ERP44: variants seen among roughly 807,000 people sequenced by gnomAD.
ERP44 encodes endoplasmic reticulum protein 44, also known as endoplasmic reticulum resident protein 44.
Under a neutral mutation model 53.4 loss-of-function variants are expected in ERP44, and 25 were observed. The ratio of observed to expected loss-of-function variants is 0.47; its 90% CI spans 0.34 to 0.65. ERP44 has a LOEUF of 0.65. Among genes scored for constraint, ERP44 ranks in the 30% least tolerant of loss-of-function variants. The pLI, the probability that ERP44 is intolerant of heterozygous loss-of-function variation, is 0.01. For missense variants in ERP44, 338 were observed against 493.2 expected (o/e 0.69, Z 2.98); for synonymous variants, 145 against 161.2 (o/e 0.90, Z 0.76).
intron 10 of ERP44, among the ~76,000 whole-genome samples, chr9:99,985,447 C>T (rs1332664306): frequency 6.6e-6 from 1 of 152,110 alleles, no homozygotes; most frequent in East Asian, 1.9e-4. Context: ...AATAACAGGG[C>T]TCAAGGGAAA....
chr9:100,014,410 G>A (rs1039090359), intron 8 of ERP44, among the ~76,000 whole-genome samples: 5 of 151,976 alleles, frequency 3.3e-5, no homozygotes, highest in South Asian at 2.1e-4. Context: ...TCAGCCTCCC[G>A]AGTAGCTGGG....
intron 10 of ERP44, among the ~76,000 whole-genome samples, chr9:99,989,966 A>G (rs1436032040): frequency 6.6e-6 from 1 of 152,186 alleles, no homozygotes; most frequent in African/African-American, 2.4e-5. Context: ...TGAAGGTTAG[A>G]GAAAAAAGAG....
chr9:100,009,112 T>C (rs1587961049), intron 8 of ERP44, among the ~76,000 whole-genome samples: 1 of 152,128 alleles, frequency 6.6e-6, no homozygotes. Flanking sequence ...TCACCACTAA[T>C]TCTAGAGCTT....
intron 10 of ERP44, among the ~76,000 whole-genome samples, chr9:99,992,978 G>A (rs567768671): frequency 1.3e-5 from 2 of 152,252 alleles, no homozygotes; most frequent in South Asian, 4.1e-4. Flanking sequence ...ACCTCTTCAA[G>A]GAGAACTACA....
At chr9:99,998,951 TAAA>T in intron 10 of ERP44, 1 of 1,563,098 alleles carries the variant, frequency 6.4e-7, no homozygotes, top group Non-Finnish European at 8.8e-7. Flanking sequence ...AGTAGGTTTC[TAAA>T]AAGTTTTTAT....
At chr9:100,014,145 G>A (rs1225188945) in intron 8 of ERP44, among the ~76,000 whole-genome samples, 1 of 152,182 alleles carries the variant, frequency 6.6e-6, no homozygotes, top group African/African-American at 2.4e-5. Context: ...TAACTGAGAA[G>A]GAAGACAAGG....
chr9:100,068,655 G>A lies in ERP44; in HGVS notation c.58-8483C>T, dbSNP rs1279892291. ...CCCCACCCGGCCAGCCGCCCCGTCC[G>A]GGAGGGAGGTGGGGGAGTCAACCCC... On this transcript the variant is annotated intron_variant, in intron 1 of 11. Coordinates refer to ENST00000262455, the MANE Select transcript of ERP44 (RefSeq NM_015051.3). 4.1e-5 allele frequency among the ~76,000 whole-genome samples: 6 copies of A among 147,232 alleles called. No individual in the cohort carries two copies. The East Asian group carries it at 6.4e-4, about 16-fold the overall frequency.
intron 4 of ERP44, among the ~76,000 whole-genome samples, chr9:100,039,136 GA>G (rs1157414960): frequency 6.6e-6 from 1 of 152,158 alleles, no homozygotes; most frequent in Non-Finnish European, 1.5e-5. Flanking sequence ...CTTCCAGACA[GA>G]AAATCAACAA....
At chr9:100,070,360 C>T (rs1465569727) in intron 1 of ERP44, among the ~76,000 whole-genome samples, 1 of 152,142 alleles carries the variant, frequency 6.6e-6, no homozygotes, top group Non-Finnish European at 1.5e-5. Context: ...TTCATTTTCA[C>T]ATTAAAAATA....
chr9:100,085,507 C>T (rs539926811), intron 1 of ERP44, among the ~76,000 whole-genome samples: 7 of 152,164 alleles, frequency 4.6e-5, no homozygotes, highest in Non-Finnish European at 1.0e-4. Context: ...AACTATACCC[C>T]CATGGAAGCA....
intron 2 of ERP44, among the ~76,000 whole-genome samples, chr9:100,058,502 T>A (rs1826109320): frequency 1.3e-5 from 2 of 152,248 alleles, no homozygotes; most frequent in Admixed American, 6.5e-5. Flanking sequence ...TCCATATTCA[T>A]GAATAACTGA....
intron 4 of ERP44, among the ~76,000 whole-genome samples, chr9:100,043,738 G>C (rs1334319971): frequency 6.6e-6 from 1 of 151,510 alleles, no homozygotes; most frequent in African/African-American, 2.4e-5. Flanking sequence ...CTGGGAGACA[G>C]AGCAAGACTC....
At chr9:100,017,058 C>T (rs1316574429) in intron 7 of ERP44, among the ~76,000 whole-genome samples, 1 of 152,148 alleles carries the variant, frequency 6.6e-6, no homozygotes, top group Non-Finnish European at 1.5e-5. Context: ...TTGAAACATA[C>T]AAGATGCTAT....
chr9:99,994,617 G>C (rs141208649), intron 10 of ERP44, among the ~76,000 whole-genome samples: 2 of 152,000 alleles, frequency 1.3e-5, no homozygotes, highest in Admixed American at 6.6e-5. Flanking sequence ...AAACCTGCAC[G>C]TTGTGCACAT....
intron 10 of ERP44, among the ~76,000 whole-genome samples, chr9:100,002,092 C>G (rs1472814256): frequency 6.7e-6 from 1 of 149,802 alleles, no homozygotes; most frequent in African/African-American, 2.5e-5. Flanking sequence ...GTCCTATGCT[C>G]ATAACAGGCT....
At chr9:100,097,520 A>G (rs7870469) in intron 1 of ERP44, among the ~76,000 whole-genome samples, 31,357 of 152,132 alleles carry the variant, frequency 0.21, 5,473 homozygotes, top group African/African-American at 0.48. Context: ...ATCACCAAGA[A>G]ACAACACTAT....
At chr9:100,068,508 C>G (rs563905706) in intron 1 of ERP44, among the ~76,000 whole-genome samples, 12 of 122,738 alleles carry the variant, frequency 9.8e-5, no homozygotes, top group Non-Finnish European at 1.8e-4. Context: ...CCGCCCCGTC[C>G]GGGAGGGAGG....
intron 6 of ERP44, among the ~76,000 whole-genome samples, chr9:100,020,223 G>T (rs148305245): frequency 1.3e-5 from 2 of 152,186 alleles, no homozygotes; most frequent in Non-Finnish European, 2.9e-5. Flanking sequence ...AAAGGTGGTG[G>T]AGAGATGGAG....
At chr9:100,069,061 A>T (rs940951012) in intron 1 of ERP44, among the ~76,000 whole-genome samples, 2 of 152,082 alleles carry the variant, frequency 1.3e-5, no homozygotes, top group African/African-American at 4.8e-5. Flanking sequence ...GCGGTGCAAG[A>T]TGTGCTTTGT....
Sources: gnomAD v4.1 joint callset for allele counts (sites outside exome capture counted in the v4.1 genomes callset) on GRCh38, gnomAD v4.1.1 for gene constraint, MANE v1.5 for transcripts, NCBI Gene and HGNC (gene_info 2026-07-23, HGNC 2026-07-21) for gene names.